NRXN3: variants seen among roughly 807,000 people sequenced by gnomAD.
NRXN3 encodes neurexin III.
Under a neutral mutation model 137.6 loss-of-function variants are expected in NRXN3, and 32 were observed. That is an observed-to-expected ratio of 0.23 (90% CI 0.18 to 0.31). The LOEUF (loss-of-function observed/expected upper bound fraction) is 0.31. Ranked by LOEUF, NRXN3 falls within the 10% of genes least tolerant of loss-of-function variation. The pLI is 1.00. For missense variants in NRXN3, 1,574 were observed against 2,062.5 expected, an observed-to-expected ratio of 0.76 and a Z score of 4.59; for synonymous variants, 798 against 784.5, an observed-to-expected ratio of 1.02 and a Z score of -0.29.
intron 10 of NRXN3, among the ~76,000 whole-genome samples, chr14:78,867,776 A>G (rs111588496): frequency 9.9e-5 from 15 of 152,178 alleles, no homozygotes; most frequent in Admixed American, 2.6e-4. Context: ...TTGTCCTCCA[A>G]TTATACTTCC....
chr14:78,597,327 G>T (rs180718076), intron 4 of NRXN3, among the ~76,000 whole-genome samples: 300 of 152,290 alleles, frequency 2.0e-3, no homozygotes, highest in Non-Finnish European at 3.4e-3. Context: ...AAATATTTTC[G>T]TTCTACAATT....
chr14:78,768,247 C>T (rs1466209374), intron 8 of NRXN3, among the ~76,000 whole-genome samples: 1 of 151,954 alleles, frequency 6.6e-6, no homozygotes, highest in East Asian at 1.9e-4. Context: ...TGAGAATTTC[C>T]TTCTCAGGCC....
At chr14:78,229,238 A>G (rs1176090930) in intron 1 of NRXN3, among the ~76,000 whole-genome samples, 1 of 151,114 alleles carries the variant, frequency 6.6e-6, no homozygotes, top group Non-Finnish European at 1.5e-5. Context: ...TCTGCAGAGA[A>G]GCTCTGCTTT....
At chr14:78,827,636 C>A (rs1308476360) in intron 10 of NRXN3, among the ~76,000 whole-genome samples, 1 of 152,164 alleles carries the variant, frequency 6.6e-6, no homozygotes, top group East Asian at 1.9e-4. Flanking sequence ...CAATGTCTTG[C>A]TGAAAAAAAT....
At chr14:79,161,482 G>A (rs2060765687) in intron 15 of NRXN3, among the ~76,000 whole-genome samples, 1 of 151,810 alleles carries the variant, frequency 6.6e-6, no homozygotes, top group Non-Finnish European at 1.5e-5. Context: ...ATCTTGACAC[G>A]GCATATATTT....
chr14:79,654,317 CTTAAA>C (rs1269017798), intron 16 of NRXN3, among the ~76,000 whole-genome samples: 3 of 151,422 alleles, frequency 2.0e-5, no homozygotes, highest in African/African-American at 7.3e-5. Flanking sequence ...TTAAATTAAA[CTTAAA>C]TTAAACTTAA....
rs112699569 is a variant in NRXN3 at position 78,241,620 on chromosome 14, GA to G, written c.-703-758del. 7.4e-3 allele frequency among the ~76,000 whole-genome samples: 987 copies of G among 134,068 alleles called. 2 individuals carry two copies. The highest frequency in any genetic ancestry group is 0.012 in the Non-Finnish European group (727 of 61,874). The allele number at this position is 134,068 out of a possible 152,430, so 88.0% of individuals were successfully genotyped here. A position where few individuals can be genotyped will look rare whatever the true frequency, so the allele number is the denominator to read the frequency against. Reference sequence around the variant, plus strand: ...GGGCAAAAGAGCAAGACTCTGTCTCGAAAAAAAAAAAAAGGCTTATGCTAGG... The same window carrying G: ...GGGCAAAAGAGCAAGACTCTGTCTCGAAAAAAAAAAAAGGCTTATGCTAGG... On this transcript the variant is annotated intron_variant, in intron 1 of 20. Transcript: ENST00000335750.
intron 4 of NRXN3, among the ~76,000 whole-genome samples, chr14:78,454,495 A>AT (rs995352838): frequency 5.9e-5 from 9 of 152,264 alleles, no homozygotes; most frequent in African/African-American, 2.2e-4. Context: ...TGGTAATGAT[A>AT]TTTTTTAGAA....
chr14:79,774,104 C>T (rs1050166045), intron 19 of NRXN3, among the ~76,000 whole-genome samples: 1 of 152,124 alleles, frequency 6.6e-6, no homozygotes, highest in Non-Finnish European at 1.5e-5. Context: ...CCCCGAATAA[C>T]TGTACGTGAT....
intron 15 of NRXN3, among the ~76,000 whole-genome samples, chr14:79,184,543 G>A (rs1055308422): frequency 2.0e-5 from 3 of 152,082 alleles, no homozygotes; most frequent in African/African-American, 7.2e-5. Flanking sequence ...TTCTGGTCTC[G>A]TCACAGACAT....
At chr14:78,322,571 A>G (rs528268366) in intron 4 of NRXN3, among the ~76,000 whole-genome samples, 176 of 151,744 alleles carry the variant, frequency 1.2e-3, no homozygotes, top group Non-Finnish European at 1.9e-3. Context: ...TCCATGTGTC[A>G]CTCTCCCAAT....
chr14:78,803,753 C>A lies in NRXN3; in HGVS notation c.2178C>A (p.Thr726=), dbSNP rs772493771. The A allele has an allele frequency of 1.9e-6, 3 of 1,614,112 alleles. No homozygotes were observed. The highest frequency in any genetic ancestry group is 2.5e-6 in the Non-Finnish European group (3 of 1,179,998). The change falls in exon 9 of 21, where the codon ACC becomes ACA. Residue 726 remains threonine, a synonymous_variant. Transcript: ENST00000335750. The part of the protein sequence containing the change: ...QRAYGLLVAT[T]SRDSADTLRL... ...CTTATGGGCTGCTGGTGGCTACGAC[C>A]TCCAGGGACTCTGCCGACACCCTGC... is the stretch of plus-strand genomic sequence containing the variant.
At chr14:79,163,089 G>A (rs1346960662) in intron 15 of NRXN3, among the ~76,000 whole-genome samples, 1 of 151,844 alleles carries the variant, frequency 6.6e-6, no homozygotes, top group African/African-American at 2.4e-5. Context: ...GCTTCACTTT[G>A]GGAGAACTGC....
intron 4 of NRXN3, among the ~76,000 whole-genome samples, chr14:78,379,421 G>C (rs1365569477): frequency 6.6e-6 from 1 of 152,176 alleles, no homozygotes; most frequent in Non-Finnish European, 1.5e-5. Flanking sequence ...CCAGGAACAA[G>C]TAAAGTAGAA....
At chr14:78,763,937 C>T (rs945027398) in intron 8 of NRXN3, among the ~76,000 whole-genome samples, 1 of 152,122 alleles carries the variant, frequency 6.6e-6, no homozygotes, top group Non-Finnish European at 1.5e-5. Context: ...GGAATGAATG[C>T]GAAGACACCC....
intron 10 of NRXN3, among the ~76,000 whole-genome samples, chr14:78,884,335 C>T (rs575232614): frequency 1.1e-4 from 16 of 152,184 alleles, no homozygotes; most frequent in Middle Eastern, 3.4e-3. Flanking sequence ...TTAAAGAAAA[C>T]AGCAGTGTCG....
intron 4 of NRXN3, among the ~76,000 whole-genome samples, chr14:78,632,711 C>T (rs1210836779): frequency 6.6e-6 from 1 of 152,140 alleles, no homozygotes; most frequent in Non-Finnish European, 1.5e-5. Context: ...AAAAAGTTCT[C>T]ATTTCAGATG....
chr14:79,113,277 T>TA (rs1302863741), intron 15 of NRXN3, among the ~76,000 whole-genome samples: 2 of 151,976 alleles, frequency 1.3e-5, no homozygotes, highest in East Asian at 1.9e-4. Flanking sequence ...TGTATATTAT[T>TA]AAAAAAAATT....
rs554339795 is a variant in NRXN3, at chr14:78,769,663, G to A, written c.2045-33957G>A. Among the ~76,000 whole-genome samples the A allele has an allele frequency of 7.9e-5, 12 of 152,308 alleles. No homozygotes were observed. The South Asian group carries it at 2.5e-3, about 32-fold the overall frequency. Reference sequence around the variant, plus strand: ...ACTGAACCCAAAGCAAGACTCTGACGAGGATCGAGAAAGCAGTGACACACC... The same window carrying A: ...ACTGAACCCAAAGCAAGACTCTGACAAGGATCGAGAAAGCAGTGACACACC... On this transcript the variant is annotated intron_variant, in intron 8 of 20. Coordinates refer to ENST00000335750, the MANE Select transcript of NRXN3 (RefSeq NM_001330195.2).
Sources: gnomAD v4.1 joint callset for allele counts (sites outside exome capture counted in the v4.1 genomes callset) on GRCh38, gnomAD v4.1.1 for gene constraint, MANE v1.5 for transcripts, NCBI Gene and HGNC (gene_info 2026-07-23, HGNC 2026-07-21) for gene names.